The following PARS2 variants were observed in gnomAD, a reference collection of about 807,000 sequenced individuals.
PARS2 encodes the protein probable proline--tRNA ligase, mitochondrial.
PARS2 carries 20 observed loss-of-function variants against 27.4 expected under a neutral mutation model. That is an observed-to-expected ratio of 0.73 (90% CI 0.51 to 1.06). The LOEUF is 1.06. Among genes scored for constraint, PARS2 ranks in the 50% least tolerant of loss-of-function variants. The probability of loss-of-function intolerance (pLI) is 0.00; values close to 1 mark genes in which losing one functional copy is unlikely to be tolerated. For synonymous variants in PARS2, 240 were observed against 247.1 expected, an observed-to-expected ratio of 0.97 and a Z score of 0.27; for missense variants, 585 against 602.1, an observed-to-expected ratio of 0.97 and a Z score of 0.30.
rs770966124 is a variant in PARS2, at chr1:54,758,557, C to A, written c.605G>T (p.Arg202Leu). The change falls in exon 2 of 2, where the codon CGA becomes CTA. Residue 202 changes from arginine (R) to leucine (L), a missense_variant. By Grantham distance (102) the Arg-to-Leu change is moderately radical (BLOSUM62 -2). Coordinates refer to ENST00000371279, the MANE Select transcript of PARS2 (RefSeq NM_152268.4). The part of the protein sequence containing the change: ...PRPRFGLLRG[R>L]EFYMKDMYTF... Reference sequence around the variant, plus strand: ...GTACATATCCTTCATGTAAAACTCTCGGCCACGGAGAAGACCAAAGCGGGG... The same window carrying A: ...GTACATATCCTTCATGTAAAACTCTAGGCCACGGAGAAGACCAAAGCGGGG... 6.2e-7 allele frequency: 1 copy of A among 1,614,216 alleles called. No homozygotes were observed.
intron 1 of PARS2, among the ~76,000 whole-genome samples, chr1:54,761,602 T>C (rs991634015): frequency 3.9e-5 from 6 of 152,190 alleles, no homozygotes; most frequent in African/African-American, 1.4e-4. Context: ...TTTATTTGTA[T>C]TGCCAAATTT....
At position 54,759,352 on chromosome 1, in the gene PARS2, C is replaced by G. The variant is rs74339968; in HGVS notation, c.-29-162G>C. 0.019 allele frequency among the ~76,000 whole-genome samples: 2,926 copies of G among 152,326 alleles called. 93 individuals carry two copies. The highest frequency in any genetic ancestry group is 0.068 in the African/African-American group (2,815 of 41,546). ...CCTAGCAGATCAAAGCACTATTTCT[C>G]TAACCTCTTACTTCCGTTTTTGAAA... On this transcript the variant is annotated intron_variant, in intron 1 of 1. Transcript: ENST00000371279.
intron 1 of PARS2, among the ~76,000 whole-genome samples, chr1:54,761,186 A>T (rs1387173921): frequency 3.9e-5 from 6 of 152,060 alleles, no homozygotes; most frequent in Admixed American, 3.9e-4. Flanking sequence ...TCCTCTCCCC[A>T]GGAAGCCTTT....
chr1:54,759,398 T>C (rs1267968033), intron 1 of PARS2, among the ~76,000 whole-genome samples: 2 of 152,198 alleles, frequency 1.3e-5, no homozygotes, highest in African/African-American at 4.8e-5. Context: ...TTCCTGATTA[T>C]AAAAACATTA....
chr1:54,761,854 T>C (rs1646158844), intron 1 of PARS2, among the ~76,000 whole-genome samples: 1 of 152,202 alleles, frequency 6.6e-6, no homozygotes, highest in African/African-American at 2.4e-5. Flanking sequence ...TGTGGTGTTG[T>C]AGGAACGTAC....
rs1646136999 is a variant in PARS2, at chr1:54,758,739, C to T, written c.423G>A (p.Leu141=). The change falls in exon 2 of 2, where the codon CTG becomes CTA. Residue 141 remains leucine (L), a synonymous_variant. Coordinates refer to ENST00000371279, the MANE Select transcript of PARS2 (RefSeq NM_152268.4). ...TGCCATGCCTGTCTCTAAGTCTTAG[C>T]AGCTCTTTGCCCATCAAGTCCCACC... is the stretch of plus-strand genomic sequence containing the variant. The part of the protein sequence containing the change: ...TNRWDLMGKE[L]LRLRDRHGKE... The T allele has an allele frequency of 6.2e-7, 1 of 1,614,192 alleles. No homozygotes were observed. The highest frequency in any genetic ancestry group is 8.5e-7 in the Non-Finnish European group (1 of 1,180,036).
chr1:54,759,102 C>G lies in PARS2; in HGVS notation c.60G>C (p.Gln20His). ...ACCTGCAAGGAACATACCCAGAGAG[C>G]TGGCGGCTGCAGGTGGCCAGGGCGG... Reference protein sequence around the residue: ...ALPALATCSRQLSGYVPCRFH... With the variant: ...ALPALATCSRHLSGYVPCRFH... The change falls in exon 2 of 2, where the codon CAG becomes CAC. Residue 20 changes from glutamine (Q) to histidine (H), a missense_variant. Transcript: ENST00000371279. The G allele has an allele frequency of 2.5e-6, 4 of 1,611,888 alleles. No individual in the cohort carries two copies. Among genetic ancestry groups the G allele is most frequent in the Non-Finnish European group, 3.4e-6 (4 of 1,178,288 alleles).
rs1431541904 is a variant in PARS2 at position 54,759,102 on chromosome 1, C to A, written c.60G>T (p.Gln20His). 1 of 1,611,888 alleles carries A rather than the reference C, an allele frequency of 6.2e-7. No homozygotes were observed. Among genetic ancestry groups the A allele is most frequent in the Non-Finnish European group, 8.5e-7 (1 of 1,178,288 alleles). The stretch of plus-strand genomic sequence containing the variant: ...ACCTGCAAGGAACATACCCAGAGAG[C>A]TGGCGGCTGCAGGTGGCCAGGGCGG... ...ALPALATCSRQLSGYVPCRFH... is the reference protein window; with the variant it reads ...ALPALATCSRHLSGYVPCRFH... Residue 20 changes from glutamine (Q) to histidine (H), a missense_variant, in exon 2 of 2, where the codon CAG becomes CAT. By Grantham distance (24) the Gln-to-His change is conservative. Coordinates refer to ENST00000371279, the MANE Select transcript of PARS2 (RefSeq NM_152268.4).
In PARS2 at chr1:54,758,571, A is replaced by G. The variant is rs1458317188; in HGVS notation, c.591T>C (p.Gly197=). 6.2e-7 allele frequency: 1 copy of G among 1,614,080 alleles called. No individual in the cohort carries two copies. Among genetic ancestry groups the G allele is most frequent in the Non-Finnish European group, 8.5e-7 (1 of 1,180,042 alleles). Residue 197 remains glycine, a synonymous_variant, in exon 2 of 2, where the codon GGT becomes GGC. Transcript: ENST00000371279. ...KFRDEPRPRF[G]LLRGREFYMK... ...TGTAAAACTCTCGGCCACGGAGAAGACCAAAGCGGGGCCTGGGCTCATCCC... is the reference window on the plus strand; with the variant it reads ...TGTAAAACTCTCGGCCACGGAGAAGGCCAAAGCGGGGCCTGGGCTCATCCC...
At position 54,758,172 on chromosome 1, in the gene PARS2, G is replaced by C; in HGVS notation, c.990C>G (p.Gly330=). The C allele has an allele frequency of 6.2e-7, 1 of 1,614,088 alleles. No individual in the cohort carries two copies. The highest frequency in any genetic ancestry group is 2.2e-5 in the East Asian group (1 of 44,896). The change falls in exon 2 of 2, where the codon GGC becomes GGG. Residue 330 remains glycine (G), a synonymous_variant. Coordinates refer to ENST00000371279, the MANE Select transcript of PARS2 (RefSeq NM_152268.4). Reference sequence around the variant, plus strand: ...ACCCCATTTCAGCCAGGGTTGGTTTGCCACAGACATTGGTAAACTGGGCAT... The same window carrying C: ...ACCCCATTTCAGCCAGGGTTGGTTTCCCACAGACATTGGTAAACTGGGCAT... ...IFNAQFTNVC[G]KPTLAEMGCY...
intron 1 of PARS2, among the ~76,000 whole-genome samples, chr1:54,762,756 G>T (rs1646164556): frequency 6.6e-6 from 1 of 152,142 alleles, no homozygotes; most frequent in Non-Finnish European, 1.5e-5. Flanking sequence ...TAGAGATGGA[G>T]TCTTGCTATG....
rs1570088234 is a variant in PARS2 at position 54,757,590 on chromosome 1, A to G, written c.*144T>C. 1.7e-6 allele frequency: 1 copy of G among 591,406 alleles called. No individual in the cohort carries two copies. Among genetic ancestry groups the G allele is most frequent in the East Asian group, 2.8e-5 (1 of 35,710 alleles). 36.6% of individuals were successfully genotyped at this position (591,406 alleles called of 1,614,324 possible). A position where few individuals can be genotyped will look rare whatever the true frequency, so the allele number is the denominator to read the frequency against. ...AAATAATCTGAACAAATGACTAGAT[A>G]AAAATTGATTTCCCTAACATGATCT... On this transcript the variant is annotated 3_prime_UTR_variant, in exon 2 of 2. Transcript: ENST00000371279.
chr1:54,763,467 A>G (rs755739533), intron 1 of PARS2, among the ~76,000 whole-genome samples: 4 of 152,214 alleles, frequency 2.6e-5, no homozygotes, highest in Non-Finnish European at 4.4e-5. Context: ...CCTACTATTT[A>G]GGCTATTATT....
chr1:54,761,688 C>T (rs1170030267), intron 1 of PARS2, among the ~76,000 whole-genome samples: 1 of 152,146 alleles, frequency 6.6e-6, no homozygotes, highest in Non-Finnish European at 1.5e-5. Context: ...GTTGCTGATT[C>T]CCCTCAGCTC....
intron 1 of PARS2, among the ~76,000 whole-genome samples, chr1:54,763,030 C>G (rs1360259790): frequency 1.3e-5 from 2 of 152,218 alleles, no homozygotes; most frequent in Non-Finnish European, 2.9e-5. Flanking sequence ...CAAAGCTCTT[C>G]ACATTTTGAT....
intron 1 of PARS2, among the ~76,000 whole-genome samples, 176 bp downstream of exon 1, chr1:54,764,285 G>A (rs1438461871): frequency 1.3e-5 from 2 of 152,208 alleles, no homozygotes; most frequent in Non-Finnish European, 2.9e-5. Flanking sequence ...CGGAGGACAC[G>A]GAGACCAGGA....
intron 1 of PARS2, among the ~76,000 whole-genome samples, chr1:54,763,373 T>C (rs1417358087): frequency 1.3e-5 from 2 of 152,202 alleles, no homozygotes; most frequent in Admixed American, 1.3e-4. Context: ...GAGGTCAGTG[T>C]CGATGTTTAA....
chr1:54,758,885 A>G lies in PARS2; in HGVS notation c.277T>C (p.Tyr93His), dbSNP rs373066718. The G allele has an allele frequency of 1.1e-4, 174 of 1,614,062 alleles. No individual in the cohort carries two copies. Among genetic ancestry groups the G allele is most frequent in the Non-Finnish European group, 1.4e-4 (168 of 1,180,040 alleles). Residue 93 changes from tyrosine to histidine, a missense_variant, in exon 2 of 2, where the codon TAT (tyrosine) becomes CAT (histidine). Physicochemically the swap from Tyr to His is moderately conservative, Grantham distance 83. Transcript: ENST00000371279. ...ASPGCYHLLPYTVRAMEKLVR... is the reference protein window; with the variant it reads ...ASPGCYHLLPHTVRAMEKLVR... ...AGCTTCTCCATGGCACGGACGGTATATGGCAGGAGGTGGTAACAGCCGGGG... is the reference window on the plus strand; with the variant it reads ...AGCTTCTCCATGGCACGGACGGTATGTGGCAGGAGGTGGTAACAGCCGGGG...
chr1:54,758,217 G>C lies in PARS2; in HGVS notation c.945C>G (p.Thr315=), dbSNP rs1188390786. Residue 315 remains threonine (T), a synonymous_variant, in exon 2 of 2, where the codon ACC becomes ACG. Transcript: ENST00000371279. ...IEVGHTFYLG[T]KYSSIFNAQF... is the part of the protein sequence containing the mutation. The stretch of plus-strand genomic sequence containing the variant: ...GGGCATTGAAAATGGATGAGTACTT[G>C]GTACCCAGGTAAAATGTGTGCCCCA... 8 of 1,614,062 alleles carry C rather than the reference G, an allele frequency of 5.0e-6. No homozygotes were observed. The highest frequency in any genetic ancestry group is 1.3e-5 in the African/African-American group (1 of 74,928).
Sources: allele counts gnomAD v4.1 joint callset (sites outside exome capture counted in the v4.1 genomes callset), GRCh38; gene constraint gnomAD v4.1.1; transcripts MANE v1.5; gene names NCBI Gene and HGNC (gene_info 2026-07-23, HGNC 2026-07-21).